Variants in GIGYF2 observed in about 807,000 individuals in gnomAD.
GIGYF2 encodes the protein GRB10 interacting GYF protein 2, also known as GRB10-interacting GYF protein 2.
A neutral mutation model predicts 208.1 loss-of-function variants in GIGYF2; 25 were observed. That is an observed-to-expected ratio of 0.12 (90% CI 0.09 to 0.17). The LOEUF (loss-of-function observed/expected upper bound fraction) is 0.17. Ranked by LOEUF, GIGYF2 falls within the 10% of genes least tolerant of loss-of-function variation. The probability of loss-of-function intolerance (pLI) is 1.00; values close to 1 mark genes in which losing one functional copy is unlikely to be tolerated. For missense variants in GIGYF2, 1,302 were observed against 1,579.4 expected (o/e 0.82, Z 2.98); for synonymous variants, 534 against 543.8 (o/e 0.98, Z 0.25).
At chr2:232,720,378 G>A (rs181931161) in intron 2 of GIGYF2, among the ~76,000 whole-genome samples, 9 of 152,184 alleles carry the variant, frequency 5.9e-5, no homozygotes, top group Admixed American at 2.6e-4. Flanking sequence ...CTTTGCTATT[G>A]TGAATAGTGC....
chr2:232,729,987 C>G (rs1018770183), intron 2 of GIGYF2: 37 of 734,086 alleles, frequency 5.0e-5, no homozygotes, highest in Non-Finnish European at 8.7e-5. Flanking sequence ...CTTCTTCACT[C>G]CTGGAAGGCT....
At chr2:232,700,973 C>A (rs1328731240) in intron 1 of GIGYF2, among the ~76,000 whole-genome samples, 1 of 152,024 alleles carries the variant, frequency 6.6e-6, no homozygotes, top group Non-Finnish European at 1.5e-5. Flanking sequence ...GTTAGCATTG[C>A]AGTGTTTCTT....
intron 6 of GIGYF2, among the ~76,000 whole-genome samples, 162 bp downstream of exon 6, chr2:232,756,496 A>G (rs1329767820): frequency 2.0e-5 from 3 of 152,164 alleles, no homozygotes; most frequent in Non-Finnish European, 4.4e-5. Context: ...TTTTAGAGGT[A>G]TCTCCTCTAT....
intron 3 of GIGYF2, among the ~76,000 whole-genome samples, chr2:232,739,291 G>A (rs1407157558): frequency 2.0e-5 from 3 of 149,912 alleles, no homozygotes; most frequent in Non-Finnish European, 4.4e-5. Flanking sequence ...CCAGGAGGCG[G>A]AAGTTGCAGT....
intron 21 of GIGYF2, among the ~76,000 whole-genome samples, chr2:232,820,284 A>G (rs1701036764): frequency 6.6e-6 from 1 of 151,694 alleles, no homozygotes; most frequent in Non-Finnish European, 1.5e-5. Flanking sequence ...GAATAGTACA[A>G]CAAATTCTCA....
At chr2:232,704,883 A>G (rs1179706710) in intron 2 of GIGYF2, among the ~76,000 whole-genome samples, 7 of 73,862 alleles carry the variant, frequency 9.5e-5, no homozygotes, top group Admixed American at 3.3e-4. Flanking sequence ...TTTTTGAGAC[A>G]GAGTCTCGCT....
At chr2:232,823,688 T>G (rs539678039) in intron 21 of GIGYF2, among the ~76,000 whole-genome samples, 5 of 152,334 alleles carry the variant, frequency 3.3e-5, no homozygotes, top group South Asian at 2.1e-4. Flanking sequence ...TGTCCCCTTT[T>G]GGTGTTAGGT....
chr2:232,790,740 G>A lies in GIGYF2; in HGVS notation c.755G>A (p.Arg252His), dbSNP rs1471901577. The A allele has an allele frequency of 1.3e-5, 21 of 1,614,096 alleles. No individual in the cohort carries two copies. Among genetic ancestry groups the A allele is most frequent in the African/African-American group, 2.7e-5 (2 of 75,010 alleles). The change falls in exon 10 of 29, where the codon CGT becomes CAT. Residue 252 changes from arginine to histidine, a missense_variant. By Grantham distance (29) the Arg-to-His change is conservative. This residue lies in a region of GIGYF2 where 189 missense variants were observed against 257.7 expected (regional missense o/e 0.73). Coordinates refer to ENST00000373563, the MANE Select transcript of GIGYF2 (RefSeq NM_001103146.3). Reference sequence around the variant, plus strand: ...GGCTGGCGGGAACACATGGAACGACGTCGGAGGTTTGAGTTTGATTTTCGA... The same window carrying A: ...GGCTGGCGGGAACACATGGAACGACATCGGAGGTTTGAGTTTGATTTTCGA... Reference protein sequence around the residue: ...SAGWREHMERRRRFEFDFRDR... With the variant: ...SAGWREHMERHRRFEFDFRDR...
At chr2:232,709,686 A>G (rs11692545) in intron 2 of GIGYF2, among the ~76,000 whole-genome samples, 48,092 of 151,374 alleles carry the variant, frequency 0.32, 8,004 homozygotes, top group South Asian at 0.63. Flanking sequence ...GTGCGGGCCT[A>G]TAATCCCAGC....
rs747637839 is a variant in GIGYF2, at chr2:232,790,835, A to G, written c.850A>G (p.Ser284Gly). Reference sequence around the variant, plus strand: ...TGGGAGCATAGATGATGACAGGGATAGCTTGCCCGAATGGTGCTTAGAGGA... The same window carrying G: ...TGGGAGCATAGATGATGACAGGGATGGCTTGCCCGAATGGTGCTTAGAGGA... Reference protein sequence around the residue: ...GSGSIDDDRDSLPEWCLEDAE... With the variant: ...GSGSIDDDRDGLPEWCLEDAE... Residue 284 changes from serine to glycine, a missense_variant, in exon 10 of 29, where the codon AGC becomes GGC. By Grantham distance (56) the Ser-to-Gly change is moderately conservative (BLOSUM62 0). This residue lies in a region of GIGYF2 where 50 missense variants were observed against 42.3 expected (regional missense o/e 1.18). Transcript: ENST00000373563. 2 of 1,614,176 alleles carry G rather than the reference A, an allele frequency of 1.2e-6. No individual in the cohort carries two copies. The highest frequency in any genetic ancestry group is 2.2e-5 in the South Asian group (2 of 91,086).
chr2:232,715,052 G>A (rs1696617042), intron 2 of GIGYF2, among the ~76,000 whole-genome samples: 1 of 152,138 alleles, frequency 6.6e-6, no homozygotes. Context: ...TTCTGTTCCT[G>A]CATTGGTTTG....
chr2:232,817,683 T>C (rs1700955360), intron 20 of GIGYF2, among the ~76,000 whole-genome samples: 1 of 152,266 alleles, frequency 6.6e-6, no homozygotes, highest in Non-Finnish European at 1.5e-5. Context: ...GGTTTATTCA[T>C]ATTGTAGCAT....
chr2:232,699,050 T>C (rs955602631), intron 1 of GIGYF2, among the ~76,000 whole-genome samples: 7 of 152,166 alleles, frequency 4.6e-5, no homozygotes, highest in Admixed American at 1.3e-4. Context: ...ATACTTGATG[T>C]AGTGGTAAGC....
chr2:232,733,454 A>G (rs764673438), intron 2 of GIGYF2, among the ~76,000 whole-genome samples: 1 of 152,164 alleles, frequency 6.6e-6, no homozygotes, highest in Non-Finnish European at 1.5e-5. Context: ...ATAGCTGATT[A>G]TGAAGGTTAA....
At chr2:232,767,348 A>G (rs1341231891) in intron 8 of GIGYF2, 2 of 152,192 alleles carry the variant, frequency 1.3e-5, no homozygotes, top group Non-Finnish European at 2.9e-5. Context: ...AGCCATCATG[A>G]TGTTTTATAT....
intron 21 of GIGYF2, among the ~76,000 whole-genome samples, chr2:232,825,661 A>T (rs1701223979): frequency 6.6e-6 from 1 of 152,154 alleles, no homozygotes; most frequent in Non-Finnish European, 1.5e-5. Context: ...ACAACAAAGG[A>T]TTACATAAAC....
chr2:232,848,076 G>T (rs1407459748), intron 27 of GIGYF2, among the ~76,000 whole-genome samples: 2 of 152,276 alleles, frequency 1.3e-5, no homozygotes, highest in South Asian at 4.1e-4. Flanking sequence ...ATTGCTCCTA[G>T]GGGATATATA....
chr2:232,710,301 C>T (rs895325658), intron 2 of GIGYF2, among the ~76,000 whole-genome samples: 20 of 152,134 alleles, frequency 1.3e-4, no homozygotes, highest in African/African-American at 4.3e-4. Flanking sequence ...GTTACCTAGG[C>T]TGGTTTAGAA....
chr2:232,811,723 C>T (rs1406814249), intron 17 of GIGYF2, among the ~76,000 whole-genome samples: 1 of 152,136 alleles, frequency 6.6e-6, no homozygotes, highest in Admixed American at 6.6e-5. Flanking sequence ...TTCTAGAACT[C>T]AGAAGCCATT....
Sources: allele counts gnomAD v4.1 joint callset (sites outside exome capture counted in the v4.1 genomes callset), GRCh38; gene constraint gnomAD v4.1.1; regional missense constraint gnomAD v4.1.1; transcripts MANE v1.5; gene names NCBI Gene and HGNC (gene_info 2026-07-23, HGNC 2026-07-21).